ARGFX: variants seen among roughly 807,000 people sequenced by gnomAD.
ARGFX encodes arginine-fifty homeobox.
In ARGFX, 10 loss-of-function variants were observed where a neutral mutation model predicts 8.0. That is an observed-to-expected ratio of 1.25 (90% CI 0.77 to 2.12). ARGFX has a LOEUF of 2.12. Ranked by LOEUF, ARGFX falls within the 30% of genes most tolerant of loss-of-function variation. The probability of loss-of-function intolerance (pLI) is 0.00; values close to 1 mark genes in which losing one functional copy is unlikely to be tolerated. For missense variants in ARGFX, 282 were observed against 324.3 expected, an observed-to-expected ratio of 0.87 and a Z score of 1.00; for synonymous variants, 116 against 117.8, an observed-to-expected ratio of 0.98 and a Z score of 0.10.
At chr3:121,584,382 G>C (rs755587030) in intron 3 of ARGFX, among the ~76,000 whole-genome samples, 7 of 152,038 alleles carry the variant, frequency 4.6e-5, no homozygotes, top group African/African-American at 9.7e-5. Flanking sequence ...AGAAGAGTGG[G>C]TTATATTCAG....
At chr3:121,568,726 C>G (rs1308863436) in intron 1 of ARGFX, among the ~76,000 whole-genome samples, 1 of 152,216 alleles carries the variant, frequency 6.6e-6, no homozygotes, top group African/African-American at 2.4e-5. Flanking sequence ...TGTCGAGGAT[C>G]ACATGAATCA....
intron 3 of ARGFX, among the ~76,000 whole-genome samples, chr3:121,580,631 G>C (rs1294797940): frequency 8.7e-6 from 1 of 115,078 alleles, no homozygotes; most frequent in East Asian, 3.1e-4. Context: ...TTGAGATGAA[G>C]TCTCACTTTT....
chr3:121,581,003 C>T (rs185965407), intron 3 of ARGFX, among the ~76,000 whole-genome samples: 4 of 151,684 alleles, frequency 2.6e-5, no homozygotes, highest in South Asian at 2.1e-4. Flanking sequence ...TTTTTGAGGC[C>T]GAGTCTCGCT....
chr3:121,586,329 A>T lies in ARGFX; in HGVS notation c.677A>T (p.Asp226Val). 1.2e-6 allele frequency: 2 copies of T among 1,614,172 alleles called. No homozygotes were observed. Among genetic ancestry groups the T allele is most frequent in the Non-Finnish European group, 1.7e-6 (2 of 1,180,020 alleles). ...SVPALYSDAY[D>V]IFQIIELYNL... ...CCTGCTTTGTACTCTGATGCCTATG[A>T]CATATTCCAAATCATAGAACTGTAC... The change falls in exon 5 of 5, where the codon GAC (aspartate) becomes GTC (valine). Residue 226 changes from aspartate (D) to valine (V), a missense_variant. Transcript: ENST00000334384.
intron 2 of ARGFX, among the ~76,000 whole-genome samples, chr3:121,573,759 A>G (rs2048721492): frequency 6.7e-6 from 1 of 150,302 alleles, no homozygotes; most frequent in Admixed American, 6.7e-5. Context: ...GAGGCAGGAG[A>G]ATCACTTGAA....
rs140602092 is a variant in ARGFX, at chr3:121,573,051, G to C, written c.103+2235G>C. 1.3e-3 allele frequency among the ~76,000 whole-genome samples: 195 copies of C among 152,268 alleles called. 1 individual carries two copies. Among genetic ancestry groups the C allele is most frequent in the African/African-American group, 4.3e-3 (179 of 41,568 alleles). On this transcript the variant is annotated intron_variant, in intron 2 of 4. Coordinates refer to ENST00000334384, the MANE Select transcript of ARGFX (RefSeq NM_001012659.2). ...CTGCAAAGCTCATAGAAAAAACATA[G>C]AGGAAAAGCTTTATGACATTTGATT...
At position 121,588,321 on chromosome 3, in the gene ARGFX, A is replaced by AAG. The variant is rs1233473569; in HGVS notation, c.*1722_*1723insGA. Among the ~76,000 whole-genome samples the AAG allele has an allele frequency of 4.7e-5, 7 of 147,540 alleles. No homozygotes were observed. On this transcript the variant is annotated 3_prime_UTR_variant, in exon 5 of 5. Transcript: ENST00000334384. ...TCTCTACTAAAAATACAAAAAAAAAAAAAAAAAAAAGCCAGGCATGGTGGC... is the reference window on the plus strand; with the variant it reads ...TCTCTACTAAAAATACAAAAAAAAAAAGAAAAAAAAAAGCCAGGCATGGTGGC...
intron 3 of ARGFX, among the ~76,000 whole-genome samples, chr3:121,578,479 C>T (rs1034648915): frequency 2.6e-5 from 4 of 151,920 alleles, no homozygotes; most frequent in African/African-American, 9.7e-5. Context: ...GTGGTGGCTT[C>T]CACCTATAAT....
rs376232360 is a variant in ARGFX at position 121,584,900 on chromosome 3, T to G, written c.221-17T>G. 16 of 1,601,512 alleles carry G rather than the reference T, an allele frequency of 1.0e-5. No individual in the cohort carries two copies. Among genetic ancestry groups the G allele is most frequent in the Non-Finnish European group, 1.3e-5 (15 of 1,175,262 alleles). On this transcript the variant is annotated splice_polypyrimidine_tract_variant and intron_variant, in intron 3 of 4. Transcript: ENST00000334384. ...TAATGTAAATGTAACCACCCCTTCT[T>G]TATCTCTGCCCTGAAGCAATACGGA...
chr3:121,584,892 C>G, intron 3 of ARGFX, 25 bp from the exon 4 acceptor site: 1 of 1,597,256 alleles, frequency 6.3e-7, no homozygotes, highest in South Asian at 1.1e-5. Context: ...AATGTAACCA[C>G]CCCTTCTTTA....
chr3:121,586,731 C>G lies in ARGFX; in HGVS notation c.*131C>G. On this transcript the variant is annotated 3_prime_UTR_variant, in exon 5 of 5. Coordinates refer to ENST00000334384, the MANE Select transcript of ARGFX (RefSeq NM_001012659.2). ...GTCTCTGATTTCCATGTAAATGTTG[C>G]AAAAAGAGTTTTCCAAGTAGAGCTG... 1.2e-6 allele frequency: 1 copy of G among 837,470 alleles called. No homozygotes were observed. The highest frequency in any genetic ancestry group is 1.8e-6 in the Non-Finnish European group (1 of 554,050). The allele number at this position is 837,470 out of a possible 1,614,324, so 51.9% of individuals were successfully genotyped here. A position where few individuals can be genotyped will look rare whatever the true frequency, so the allele number is the denominator to read the frequency against.
intron 2 of ARGFX, 111 bp downstream of exon 2, chr3:121,570,927 ATC>A: frequency 1.4e-6 from 1 of 715,454 alleles, no homozygotes. Flanking sequence ...GTTTTAAAAA[ATC>A]TATTCAAAAA....
rs1207629011 is a variant in ARGFX, at chr3:121,585,021, G to C, written c.325G>C (p.Glu109Gln). 5.6e-6 allele frequency: 9 copies of C among 1,613,916 alleles called. 1 individual carries two copies. The South Asian group carries it at 9.9e-5, about 18-fold the overall frequency. The change falls in exon 4 of 5, where the codon GAG becomes CAG. Residue 109 changes from glutamate (E) to glutamine (Q), a missense_variant. Physicochemically the swap from Glu to Gln is conservative, Grantham distance 29. Transcript: ENST00000334384. Reference sequence around the variant, plus strand: ...CATGTTCCCAGATAGAAATCTTCAGGAGAAACTAGCTTTGAGACTCGACCT... The same window carrying C: ...CATGTTCCCAGATAGAAATCTTCAGCAGAAACTAGCTTTGAGACTCGACCT... ...QTMFPDRNLQ[E>Q]KLALRLDLPE...
rs1441529673 is a variant in ARGFX at position 121,590,249 on chromosome 3, G to T, written c.*3649G>T. Among the ~76,000 whole-genome samples, 1 of 152,220 alleles carries T rather than the reference G, an allele frequency of 6.6e-6. No individual in the cohort carries two copies. Among genetic ancestry groups the T allele is most frequent in the Non-Finnish European group, 1.5e-5 (1 of 68,040 alleles). ...GATGTTGTGAATAGAGCTTGCTATGGTATGAATGTGTCCCCCACAGCTCAT... is the reference window on the plus strand; with the variant it reads ...GATGTTGTGAATAGAGCTTGCTATGTTATGAATGTGTCCCCCACAGCTCAT... On this transcript the variant is annotated 3_prime_UTR_variant, in exon 5 of 5. Transcript: ENST00000334384.
intron 3 of ARGFX, among the ~76,000 whole-genome samples, chr3:121,581,916 AT>A (rs940141532): frequency 2.0e-5 from 3 of 152,070 alleles, no homozygotes; most frequent in African/African-American, 7.2e-5. Flanking sequence ...AAAAAAAAAA[AT>A]CAGCTCCTCA....
In ARGFX at chr3:121,573,674, C is replaced by T. The variant is rs537143526; in HGVS notation, c.103+2858C>T. On this transcript the variant is annotated intron_variant, in intron 2 of 4. Coordinates refer to ENST00000334384, the MANE Select transcript of ARGFX (RefSeq NM_001012659.2). The stretch of plus-strand genomic sequence containing the variant: ...GATCAGCCTGACCAACATGGAGAAA[C>T]CCTGTCTCTACTAAAAATACAAAAT... Among the ~76,000 whole-genome samples the T allele has an allele frequency of 5.3e-5, 8 of 151,436 alleles. No individual in the cohort carries two copies. The East Asian group carries it at 1.6e-3, about 29-fold the overall frequency.
rs1397691211 is a variant in ARGFX at position 121,575,679 on chromosome 3, C to T, written c.104-1105C>T. 4.6e-5 allele frequency among the ~76,000 whole-genome samples: 7 copies of T among 151,950 alleles called. 1 individual carries two copies. The highest frequency in any genetic ancestry group is 5.9e-5 in the Non-Finnish European group (4 of 67,982). ...CTGTAATCCCAGCACTTTGGGAGAC[C>T]GAGGTGGGTGGATCATTTGAGGGCA... On this transcript the variant is annotated intron_variant, in intron 2 of 4. Coordinates refer to ENST00000334384, the MANE Select transcript of ARGFX (RefSeq NM_001012659.2).
At chr3:121,583,438 T>G (rs2048792194) in intron 3 of ARGFX, among the ~76,000 whole-genome samples, 1 of 152,000 alleles carries the variant, frequency 6.6e-6, no homozygotes, top group African/African-American at 2.4e-5. Flanking sequence ...TTATTTTATT[T>G]TATTTTATTT....
chr3:121,570,491 T>G (rs1396338910), intron 1 of ARGFX, among the ~76,000 whole-genome samples: 1 of 152,244 alleles, frequency 6.6e-6, no homozygotes, highest in Non-Finnish European at 1.5e-5. Context: ...GGATTTCTTT[T>G]GTTATTTCTA....
Sources: allele counts gnomAD v4.1 joint callset (sites outside exome capture counted in the v4.1 genomes callset), GRCh38; gene constraint gnomAD v4.1.1; transcripts MANE v1.5; gene names NCBI Gene and HGNC (gene_info 2026-07-23, HGNC 2026-07-21).